Variants in PPP6R2 observed in about 807,000 individuals in gnomAD.
PPP6R2 encodes the protein protein phosphatase 6 regulatory subunit 2.
PPP6R2 carries 62 observed loss-of-function variants against 100.2 expected under a neutral mutation model. The ratio of observed to expected loss-of-function variants is 0.62; its 90% CI spans 0.50 to 0.76. The LOEUF (loss-of-function observed/expected upper bound fraction) is 0.76, where lower values mean the gene tolerates loss of function less well. PPP6R2 is among the 30% of genes least tolerant of loss of function. The probability of loss-of-function intolerance (pLI) is 0.00; values close to 1 mark genes in which losing one functional copy is unlikely to be tolerated. For missense variants in PPP6R2, 1,142 were observed against 1,276.3 expected, an observed-to-expected ratio of 0.89 and a Z score of 1.60; for synonymous variants, 525 against 514.7, an observed-to-expected ratio of 1.02 and a Z score of -0.27.
rs532410577 is a variant in PPP6R2, at chr22:50,382,836, A to ATTTTTTTTTTTTTT, written c.-17+10692_-17+10705dup. ...GGAAAAGGGTGAAATTTACAAGCAA[A>ATTTTTTTTTTTTTT]TTTTTTTTTTTTTTTTTTTGAGATA... On this transcript the variant is annotated intron_variant, in intron 2 of 23. Transcript: ENST00000612753. 1.4e-5 allele frequency among the ~76,000 whole-genome samples: 2 copies of ATTTTTTTTTTTTTT among 141,278 alleles called. 1 individual carries two copies. The allele number at this position is 141,278 out of a possible 152,430, so 92.7% of individuals were successfully genotyped here.
chr22:50,340,411 T>G (rs867491545), upstream of PPP6R2, among the ~76,000 whole-genome samples: 898 of 94,288 alleles, frequency 9.5e-3, 2 homozygotes, highest in African/African-American at 0.034. Flanking sequence ...GGTGTGTGTG[T>G]AGGGTGTGTG....
In PPP6R2 at chr22:50,436,387, G is replaced by A; in HGVS notation, c.1537G>A (p.Gly513Ser). Residue 513 changes from glycine (G) to serine (S), a missense_variant, in exon 14 of 24, where the codon GGC becomes AGC. By Grantham distance (56) the Gly-to-Ser change is moderately conservative (BLOSUM62 0). This residue lies in a region of PPP6R2 where 592 missense variants were observed against 758.9 expected (regional missense o/e 0.78). Transcript: ENST00000612753. The stretch of plus-strand genomic sequence containing the variant: ...TGCAGGGCTCCCTGCGGACTGCCGT[G>A]GCCGCTGGGAGAGCTTCGTGGAGGA... ...VIRGLPADCR[G>S]RWESFVEETL... The A allele has an allele frequency of 6.3e-7, 1 of 1,584,714 alleles. No homozygotes were observed. Among genetic ancestry groups the A allele is most frequent in the East Asian group, 2.3e-5 (1 of 43,866 alleles).
At chr22:50,414,495 G>GTGTCTC in intron 4 of PPP6R2, 57 bp from the exon 5 acceptor site, 1 of 1,577,532 alleles carries the variant, frequency 6.3e-7, no homozygotes, top group Middle Eastern at 1.7e-4. Context: ...TTTGGAGGAG[G>GTGTCTC]TGTCTCAGGG....
intron 8 of PPP6R2, among the ~76,000 whole-genome samples, chr22:50,419,994 C>T (rs1000465022): frequency 6.6e-6 from 1 of 152,224 alleles, no homozygotes; most frequent in Non-Finnish European, 1.5e-5. Context: ...ATTGCCCTTT[C>T]TCATTCATCA....
chr22:50,363,715 C>A (rs1191144145), intron 1 of PPP6R2, among the ~76,000 whole-genome samples: 1 of 152,170 alleles, frequency 6.6e-6, no homozygotes, highest in Non-Finnish European at 1.5e-5. Flanking sequence ...GAGCTGGGCT[C>A]ATCTGACCAT....
intron 1 of PPP6R2, among the ~76,000 whole-genome samples, chr22:50,362,389 C>A (rs2047964322): frequency 6.6e-6 from 1 of 152,200 alleles, no homozygotes; most frequent in African/African-American, 2.4e-5. Flanking sequence ...GGGAGACCAG[C>A]TGGGCCTCCG....
rs1476361170 is a variant in PPP6R2 at position 50,397,687 on chromosome 22, CA to C, written c.227+3553del. 4.9e-3 allele frequency among the ~76,000 whole-genome samples: 239 copies of C among 48,472 alleles called. 2 individuals are homozygous for C. Among genetic ancestry groups the C allele is most frequent in the Non-Finnish European group, 6.6e-3 (185 of 27,976 alleles). The allele number at this position is 48,472 out of a possible 152,430, so 31.8% of individuals were successfully genotyped here. A position where few individuals can be genotyped will look rare whatever the true frequency, so the allele number is the denominator to read the frequency against. Reference sequence around the variant, plus strand: ...TGAGGAGTGTGACTTGGGATGGGGGCAGGGGGGCCTGTCCTCACCAGCCTTG... The same window carrying C: ...TGAGGAGTGTGACTTGGGATGGGGGCGGGGGGCCTGTCCTCACCAGCCTTG... On this transcript the variant is annotated intron_variant, in intron 3 of 23. Coordinates refer to ENST00000612753, the MANE Select transcript of PPP6R2 (RefSeq NM_001242898.2).
intron 2 of PPP6R2, among the ~76,000 whole-genome samples, chr22:50,377,273 G>C (rs1395249159): frequency 6.6e-6 from 1 of 152,010 alleles, no homozygotes; most frequent in Non-Finnish European, 1.5e-5. Context: ...GGGCAACATG[G>C]TGAAAACCTG....
rs779609503 is a variant in PPP6R2, at chr22:50,441,000, G to A, written c.2553G>A (p.Val851=). 4.4e-6 allele frequency: 7 copies of A among 1,605,294 alleles called. No individual in the cohort carries two copies. In the South Asian group the frequency reaches 7.7e-5, roughly 18 times the overall value. Residue 851 remains valine, a synonymous_variant, in exon 22 of 24, where the codon GTG becomes GTA. Coordinates refer to ENST00000612753, the MANE Select transcript of PPP6R2 (RefSeq NM_001242898.2). ...PGREAPPLPT[V]ARTEEAVGRV... ...GGGAGGCCCCCCCGCTGCCCACAGTGGCCAGGACAGAGGAGGCTGTCGGCA... is the reference window on the plus strand; with the variant it reads ...GGGAGGCCCCCCCGCTGCCCACAGTAGCCAGGACAGAGGAGGCTGTCGGCA...
At chr22:50,337,349 TGGTGTGTG>T in the PPP6R2 span, among the ~76,000 whole-genome samples, 2 of 129,308 alleles carry the variant, frequency 1.5e-5, no homozygotes, top group African/African-American at 6.0e-5. Context: ...CTGCGATGTG[TGGTGTGTG>T]GGTGTGTGTG....
At chr22:50,373,108 CCA>C (rs2050635515) in intron 2 of PPP6R2, among the ~76,000 whole-genome samples, 1 of 152,152 alleles carries the variant, frequency 6.6e-6, no homozygotes, top group Non-Finnish European at 1.5e-5. Flanking sequence ...GCCATTCAAA[CCA>C]CACAGTTACG....
At chr22:50,405,819 G>C (rs1338039783) in intron 3 of PPP6R2, among the ~76,000 whole-genome samples, 1 of 120,888 alleles carries the variant, frequency 8.3e-6, no homozygotes, top group Admixed American at 8.8e-5. Context: ...GAGGCGAGAG[G>C]CCTGGCAGGT....
chr22:50,436,530 G>A, intron 14 of PPP6R2, 78 bp downstream of exon 14: 1 of 1,447,764 alleles, frequency 6.9e-7, no homozygotes, highest in Non-Finnish European at 9.5e-7. Context: ...TTTGCCCTGA[G>A]GCAGAGGCCA....
intron 2 of PPP6R2, among the ~76,000 whole-genome samples, chr22:50,380,513 A>C (rs1055991955): frequency 1.3e-5 from 2 of 149,868 alleles, no homozygotes; most frequent in African/African-American, 4.9e-5. Flanking sequence ...GGTGCCCGCC[A>C]CCACACGCAG....
At chr22:50,422,831 G>A (rs2061512014) in intron 9 of PPP6R2, among the ~76,000 whole-genome samples, 1 of 152,188 alleles carries the variant, frequency 6.6e-6, no homozygotes, top group African/African-American at 2.4e-5. Flanking sequence ...GACCCCTGCT[G>A]CATAGCACCC....
chr22:50,337,366 T>G, the PPP6R2 span, among the ~76,000 whole-genome samples: 1 of 118,834 alleles, frequency 8.4e-6, no homozygotes, highest in Non-Finnish European at 1.7e-5. Context: ...TGGGTGTGTG[T>G]GTGCTGTGTG....
intron 3 of PPP6R2, among the ~76,000 whole-genome samples, chr22:50,401,429 G>A (rs1172447719): frequency 1.3e-5 from 2 of 150,330 alleles, no homozygotes; most frequent in South Asian, 2.1e-4. Flanking sequence ...GGATGGTCTC[G>A]ATCTCCTGAC....
At chr22:50,353,847 TAA>T (rs1411240241) in intron 1 of PPP6R2, among the ~76,000 whole-genome samples, 1 of 142,092 alleles carries the variant, frequency 7.0e-6, no homozygotes, top group Non-Finnish European at 1.6e-5. Context: ...AGGGAAAGGC[TAA>T]CTTTTAAAAA....
In PPP6R2 at chr22:50,444,617, A is replaced by C; in HGVS notation, c.*370A>C. On this transcript the variant is annotated 3_prime_UTR_variant, in exon 24 of 24. Transcript: ENST00000612753. ...GCGTGGACATGGAGGCTGTTTTTAC[A>C]GTTTTTTTTTTGTTGTTGTTTTGTT... 1 of 187,334 alleles carries C rather than the reference A, an allele frequency of 5.3e-6. No individual in the cohort carries two copies. Among genetic ancestry groups the C allele is most frequent in the South Asian group, 7.7e-5 (1 of 12,904 alleles). 11.6% of individuals were successfully genotyped at this position (187,334 alleles called of 1,614,324 possible).
Sources: gnomAD v4.1 joint callset for allele counts (sites outside exome capture counted in the v4.1 genomes callset) on GRCh38, gnomAD v4.1.1 for gene constraint, gnomAD v4.1.1 regional missense constraint, MANE v1.5 for transcripts, NCBI Gene and HGNC (gene_info 2026-07-23, HGNC 2026-07-21) for gene names.